The following RAVER2 variants were observed in gnomAD, a reference collection of about 807,000 sequenced individuals.
RAVER2 encodes ribonucleoprotein PTB-binding 2.
Under a neutral mutation model 78.1 loss-of-function variants are expected in RAVER2, and 46 were observed. The ratio of observed to expected loss-of-function variants is 0.59; its 90% CI spans 0.46 to 0.75. The LOEUF is 0.75. Ranked by LOEUF, RAVER2 falls within the 30% of genes least tolerant of loss-of-function variation. RAVER2 has a pLI of 0.00. For missense variants in RAVER2, 793 were observed against 837.5 expected (o/e 0.95, Z 0.66); for synonymous variants, 311 against 313.3 (o/e 0.99, Z 0.08).
chr1:64,751,178 T>A lies in RAVER2; in HGVS notation c.249+5757T>A, dbSNP rs1012609856. 3.3e-5 allele frequency among the ~76,000 whole-genome samples: 5 copies of A among 152,262 alleles called. No homozygotes were observed. The South Asian group carries it at 1.0e-3, about 31-fold the overall frequency. On this transcript the variant is annotated intron_variant, in intron 1 of 11. Coordinates refer to ENST00000294428, the Ensembl canonical transcript of RAVER2. ...TATGCTTAGAAATTCTTTTTTGAAC[T>A]TGTGACATGTTTTCACATAGAAAGA... is the stretch of plus-strand genomic sequence containing the variant.
chr1:64,802,270 G>A (rs545571376), intron 5 of RAVER2, among the ~76,000 whole-genome samples: 148 of 152,236 alleles, frequency 9.7e-4, no homozygotes, highest in Admixed American at 5.2e-4. Context: ...GACTTAGAAT[G>A]CCTAAATTAC....
Position 64,830,877 on chromosome 1 carries a change from T to C in RAVER2, c.1968T>C (p.Tyr656=), listed in dbSNP as rs781616086. The change falls in exon 12 of 12, where the codon TAT becomes TAC. Residue 656 remains tyrosine, a synonymous_variant. Coordinates refer to ENST00000294428, the Ensembl canonical transcript of RAVER2. ...GAAATGAAAAGCGAGGCTCATCATATCTCATCTCTGCCCCAGAAGGTGGTT... is the reference window on the plus strand; with the variant it reads ...GAAATGAAAAGCGAGGCTCATCATACCTCATCTCTGCCCCAGAAGGTGGTT... The C allele has an allele frequency of 3.7e-6, 6 of 1,612,644 alleles. No homozygotes were observed. The African/African-American group carries it at 8.0e-5, about 22-fold the overall frequency.
chr1:64,789,515 G>A lies in RAVER2; in HGVS notation c.1105+1G>A. On this transcript the variant is annotated splice_donor_variant, in intron 5 of 11. Coordinates refer to ENST00000294428, the Ensembl canonical transcript of RAVER2. LOFTEE classifies it high-confidence loss of function. The stretch of plus-strand genomic sequence containing the variant: ...TTATGTGGACGAGCTGTTAAACCAG[G>A]TATGGACCATGTATGTATACTGATT... 1.3e-6 allele frequency: 2 copies of A among 1,598,762 alleles called. No homozygotes were observed. The highest frequency in any genetic ancestry group is 8.5e-7 in the Non-Finnish European group (1 of 1,172,456).
chr1:64,810,378 A>G (rs559886675), intron 9 of RAVER2, among the ~76,000 whole-genome samples: 20 of 152,324 alleles, frequency 1.3e-4, no homozygotes, highest in Admixed American at 9.2e-4. Context: ...TGTGATGAGG[A>G]TACTGTTCCT....
At chr1:64,786,666 A>G (rs1361227101) in intron 4 of RAVER2, among the ~76,000 whole-genome samples, 1 of 152,086 alleles carries the variant, frequency 6.6e-6, no homozygotes, top group Non-Finnish European at 1.5e-5. Context: ...GGTGGCAAGC[A>G]CCTATAATCC....
intron 4 of RAVER2, among the ~76,000 whole-genome samples, chr1:64,783,327 A>G (rs910041175): frequency 6.6e-6 from 1 of 152,142 alleles, no homozygotes; most frequent in Non-Finnish European, 1.5e-5. Context: ...ACAATGGTTG[A>G]ACTAATTTAC....
intron 5 of RAVER2, among the ~76,000 whole-genome samples, chr1:64,799,840 A>G (rs149746157): frequency 2.0e-5 from 3 of 152,330 alleles, no homozygotes; most frequent in African/African-American, 2.4e-5. Flanking sequence ...ACTGTTTTCC[A>G]TAATGGCTGT....
At chr1:64,812,021 T>C (rs1653620494) in intron 9 of RAVER2, among the ~76,000 whole-genome samples, 1 of 152,166 alleles carries the variant, frequency 6.6e-6, no homozygotes, top group Non-Finnish European at 1.5e-5. Flanking sequence ...CTTTTGTTAT[T>C]TGGTCATAAA....
At chr1:64,756,455 G>A (rs1283458145) in intron 1 of RAVER2, among the ~76,000 whole-genome samples, 3 of 152,002 alleles carry the variant, frequency 2.0e-5, no homozygotes, top group African/African-American at 7.2e-5. Flanking sequence ...TACTTATTTC[G>A]ATGCTTTGTT....
rs975190126 is a variant in RAVER2 at position 64,774,510 on chromosome 1, C to T, written c.317-3113C>T. On this transcript the variant is annotated intron_variant, in intron 2 of 11. Coordinates refer to ENST00000294428, the Ensembl canonical transcript of RAVER2. ...TAGATGTGTGGTGTTATTTCTGAGGCCTCTGTTCTGTTCCATTGGTCTGTG... is the reference window on the plus strand; with the variant it reads ...TAGATGTGTGGTGTTATTTCTGAGGTCTCTGTTCTGTTCCATTGGTCTGTG... Among the ~76,000 whole-genome samples, 3 of 152,018 alleles carry T rather than the reference C, an allele frequency of 2.0e-5. No individual in the cohort carries two copies. In the South Asian group the frequency reaches 6.2e-4, roughly 32 times the overall value.
At chr1:64,777,769 T>C (rs1360949370) in exon 3 of RAVER2, 1 of 1,614,070 alleles carries the variant, frequency 6.2e-7, no homozygotes, top group Admixed American at 1.7e-5. Context: ...TTCTTTTACA[T>C]CAGAAGAGTT....
At chr1:64,805,414 A>G (rs991400919) in intron 8 of RAVER2, among the ~76,000 whole-genome samples, 3 of 152,212 alleles carry the variant, frequency 2.0e-5, no homozygotes, top group African/African-American at 4.8e-5. Context: ...CTGACAGCAC[A>G]TATGGATCCA....
intron 8 of RAVER2, among the ~76,000 whole-genome samples, chr1:64,805,790 C>T (rs1201934818): frequency 1.3e-5 from 2 of 152,112 alleles, no homozygotes; most frequent in Non-Finnish European, 2.9e-5. Context: ...ACCTTTTGTC[C>T]AGTGATCAAA....
intron 1 of RAVER2, among the ~76,000 whole-genome samples, chr1:64,756,885 G>GT (rs1651869369): frequency 1.3e-5 from 2 of 152,142 alleles, no homozygotes; most frequent in Admixed American, 6.5e-5. Context: ...TTTGTAGGAG[G>GT]TTTTTCCTCA....
At chr1:64,803,379 A>G (rs1653323935) in intron 6 of RAVER2, among the ~76,000 whole-genome samples, 1 of 152,180 alleles carries the variant, frequency 6.6e-6, no homozygotes, top group African/African-American at 2.4e-5. Context: ...CTTAACTCAA[A>G]AAAGTATTTC....
chr1:64,805,027 C>T (rs1195662858), exon 8 of RAVER2: 2 of 1,613,850 alleles, frequency 1.2e-6, no homozygotes, highest in East Asian at 4.5e-5. Flanking sequence ...AGCTGTGGTA[C>T]TTCAGACTGC....
intron 5 of RAVER2, among the ~76,000 whole-genome samples, chr1:64,790,067 T>A (rs1483308922): frequency 6.6e-6 from 1 of 152,242 alleles, no homozygotes; most frequent in Non-Finnish European, 1.5e-5. Context: ...AGTAAGAGCT[T>A]ACCTTCTGTG....
At chr1:64,754,630 C>G (rs538778541) in intron 1 of RAVER2, among the ~76,000 whole-genome samples, 20 of 152,224 alleles carry the variant, frequency 1.3e-4, no homozygotes, top group African/African-American at 4.8e-4. Context: ...TGTAAACCCT[C>G]CAAGAAAGTG....
At chr1:64,768,860 ACTGT>A in intron 2 of RAVER2, 138 bp downstream of exon 2, 5 of 578,250 alleles carry the variant, frequency 8.6e-6, no homozygotes, top group South Asian at 2.2e-5. Flanking sequence ...TGTAACCCAC[ACTGT>A]CTATTTTCTG....
Sources: gnomAD v4.1 joint callset for allele counts (sites outside exome capture counted in the v4.1 genomes callset) on GRCh38, gnomAD v4.1.1 for gene constraint, MANE v1.5 for transcripts, NCBI Gene and HGNC (gene_info 2026-07-23, HGNC 2026-07-21) for gene names.